IQSEC3: variants seen among roughly 807,000 people sequenced by gnomAD.
IQSEC3 encodes the protein IQ motif and Sec7 domain ArfGEF 3.
Under a neutral mutation model 105.4 loss-of-function variants are expected in IQSEC3, and 50 were observed. The ratio of observed to expected loss-of-function variants is 0.47; its 90% CI spans 0.38 to 0.60. The LOEUF is 0.60. Ranked by LOEUF, IQSEC3 falls within the 20% of genes least tolerant of loss-of-function variation. IQSEC3 has a pLI of 0.00. For missense variants in IQSEC3, 1,415 were observed against 1,630.0 expected (o/e 0.87, Z 2.27); for synonymous variants, 708 against 746.0 (o/e 0.95, Z 0.83).
chr12:128,856 C>G (rs1489988414), intron 3 of IQSEC3, among the ~76,000 whole-genome samples: 1 of 152,164 alleles, frequency 6.6e-6, no homozygotes, highest in Non-Finnish European at 1.5e-5. Flanking sequence ...CGCTGATCCT[C>G]GGGAAAGCCT....
At chr12:108,060 G>T (rs970341496) in intron 2 of IQSEC3, among the ~76,000 whole-genome samples, 4 of 152,188 alleles carry the variant, frequency 2.6e-5, no homozygotes, top group Admixed American at 6.5e-5. Context: ...CCTCCAGGGA[G>T]GCTGCTTAGC....
chr12:80,034 C>T (rs1346579793), intron 1 of IQSEC3, among the ~76,000 whole-genome samples: 2 of 152,140 alleles, frequency 1.3e-5, no homozygotes, highest in African/African-American at 4.8e-5. Context: ...AAATATTCCA[C>T]TGTATGGCTG....
rs754954768 is a variant in IQSEC3, at chr12:174,733, A to T, written c.3249A>T (p.Pro1083=). 8 of 1,583,592 alleles carry T rather than the reference A, an allele frequency of 5.1e-6. No individual in the cohort carries two copies. Among genetic ancestry groups the T allele is most frequent in the East Asian group, 4.5e-5 (2 of 44,506 alleles). ...AGACCCCACCACTGCCGCCGCCGCC[A>T]CCCACGCCCCCGGGCACCCTGGTGC... ...RQQTPPLPPP[P]PTPPGTLVQC... Residue 1083 remains proline, a synonymous_variant, in exon 14 of 14, where the codon CCA becomes CCT. Coordinates refer to ENST00000538872, the MANE Select transcript of IQSEC3 (RefSeq NM_001170738.2).
At chr12:156,939 T>G in intron 5 of IQSEC3, 86 bp from the exon 6 acceptor site, 1 of 1,406,100 alleles carries the variant, frequency 7.1e-7, no homozygotes, top group Non-Finnish European at 9.3e-7. Context: ...GCACCTGTCC[T>G]GGCTGGGAAC....
chr12:136,087 A>G (rs1337396069), intron 3 of IQSEC3, among the ~76,000 whole-genome samples: 1 of 152,248 alleles, frequency 6.6e-6, no homozygotes, highest in Non-Finnish European at 1.5e-5. Flanking sequence ...TTGTGATAGC[A>G]CTGGGAGCTT....
At chr12:137,825 A>ATT (rs35452141) in intron 3 of IQSEC3, among the ~76,000 whole-genome samples, 13 of 139,200 alleles carry the variant, frequency 9.3e-5, no homozygotes, top group Non-Finnish European at 1.7e-4. Flanking sequence ...CACCCAGTTA[A>ATT]TTTTTTTTTT....
At chr12:106,117 T>C (rs1237557499) in intron 2 of IQSEC3, among the ~76,000 whole-genome samples, 2 of 152,242 alleles carry the variant, frequency 1.3e-5, no homozygotes, top group Non-Finnish European at 2.9e-5. Context: ...AGAATTATCT[T>C]GTTTAACCCC....
intron 3 of IQSEC3, among the ~76,000 whole-genome samples, chr12:127,887 T>A (rs1865468486): frequency 1.3e-5 from 2 of 152,188 alleles, no homozygotes; most frequent in African/African-American, 4.8e-5. Context: ...TTTAATTAGA[T>A]CCCATTTGTC....
chr12:147,487 A>G (rs1866324686), intron 5 of IQSEC3, among the ~76,000 whole-genome samples: 1 of 152,136 alleles, frequency 6.6e-6, no homozygotes, highest in African/African-American at 2.4e-5. Flanking sequence ...TGAGGTCTGA[A>G]GCCAGGCACA....
At chr12:146,253 T>A (rs1866263790) in intron 5 of IQSEC3, among the ~76,000 whole-genome samples, 1 of 152,208 alleles carries the variant, frequency 6.6e-6, no homozygotes. Flanking sequence ...ACCTTATTCC[T>A]GAGGAATTCC....
chr12:112,044 C>T (rs1167804483), intron 2 of IQSEC3, among the ~76,000 whole-genome samples: 1 of 152,082 alleles, frequency 6.6e-6, no homozygotes, highest in Non-Finnish European at 1.5e-5. Flanking sequence ...ACAATCTTCC[C>T]GGATGATGCC....
intron 2 of IQSEC3, among the ~76,000 whole-genome samples, chr12:121,369 C>A (rs1205678480): frequency 6.6e-6 from 1 of 152,180 alleles, no homozygotes; most frequent in African/African-American, 2.4e-5. Context: ...AGATGGAGTG[C>A]AGAGGAAAAC....
At chr12:150,126 G>A (rs1207052951) in intron 5 of IQSEC3, among the ~76,000 whole-genome samples, 1 of 152,188 alleles carries the variant, frequency 6.6e-6, no homozygotes, top group Admixed American at 6.5e-5. Context: ...GAAGTTGGCA[G>A]AGCCCAGGGC....
intron 5 of IQSEC3, among the ~76,000 whole-genome samples, chr12:153,820 A>G (rs1555093323): frequency 2.0e-5 from 3 of 152,158 alleles, no homozygotes; most frequent in African/African-American, 7.2e-5. Flanking sequence ...ACTCACTTTA[A>G]AAGCCGCAGT....
In IQSEC3 at chr12:139,196, G is replaced by A. The variant is rs1187395678; in HGVS notation, c.1833G>A (p.Ser611=). 10 of 1,590,006 alleles carry A rather than the reference G, an allele frequency of 6.3e-6. No homozygotes were observed. Among genetic ancestry groups the A allele is most frequent in the East Asian group, 4.7e-5 (2 of 42,694 alleles). The part of the protein sequence containing the change: ...STSTKSAKSG[S]EASASASKDA... ...CCACCAAGTCCGCCAAGTCAGGCTC[G>A]GAGGCGTCGGCCTCCGCCTCCAAGG... The change falls in exon 4 of 14, where the codon TCG becomes TCA. Residue 611 remains serine (S), a synonymous_variant. Transcript: ENST00000538872.
At chr12:161,835 G>A (rs1165345932) in intron 7 of IQSEC3, 91 bp from the exon 8 acceptor site, 2 of 1,366,470 alleles carry the variant, frequency 1.5e-6, no homozygotes, top group Admixed American at 2.4e-5. Flanking sequence ...GGGAGCTCCA[G>A]GCTGGATGGG....
chr12:87,635 G>A (rs1863958652), intron 1 of IQSEC3, among the ~76,000 whole-genome samples: 1 of 152,202 alleles, frequency 6.6e-6, no homozygotes, highest in African/African-American at 2.4e-5. Context: ...AACCAGGGGA[G>A]CAGAGTTGTA....
intron 1 of IQSEC3, among the ~76,000 whole-genome samples, chr12:87,946 G>A (rs925849192): frequency 5.9e-5 from 9 of 152,164 alleles, no homozygotes; most frequent in African/African-American, 2.2e-4. Context: ...GGTTAGGTAG[G>A]ATTCCTCAGG....
At chr12:89,425 G>T (rs1266745238) in intron 1 of IQSEC3, among the ~76,000 whole-genome samples, 6 of 152,156 alleles carry the variant, frequency 3.9e-5, no homozygotes, top group South Asian at 2.1e-4. Context: ...AAGAGGAAAA[G>T]ATTTTGGTCT....
Sources: allele counts gnomAD v4.1 joint callset (sites outside exome capture counted in the v4.1 genomes callset), GRCh38; gene constraint gnomAD v4.1.1; transcripts MANE v1.5; gene names NCBI Gene and HGNC (gene_info 2026-07-23, HGNC 2026-07-21).